KLHL26: variants seen among roughly 807,000 people sequenced by gnomAD.
KLHL26 encodes kelch like family member 26.
A neutral mutation model predicts 7.1 loss-of-function variants in KLHL26; 4 were observed. The ratio of observed to expected loss-of-function variants is 0.56; its 90% CI spans 0.28 to 1.28. KLHL26 has a LOEUF of 1.28. Among genes scored for constraint, KLHL26 ranks in the 50% most tolerant of loss-of-function variants. The probability of loss-of-function intolerance (pLI) is 0.11; values close to 1 mark genes in which losing one functional copy is unlikely to be tolerated. For synonymous variants in KLHL26, 465 were observed against 414.1 expected, an observed-to-expected ratio of 1.12 and a Z score of -1.49; for missense variants, 896 against 924.6, an observed-to-expected ratio of 0.97 and a Z score of 0.40.
intron 1 of KLHL26, among the ~76,000 whole-genome samples, chr19:18,663,397 C>T (rs902205761): frequency 6.6e-6 from 1 of 152,186 alleles, no homozygotes; most frequent in Admixed American, 6.5e-5. Context: ...ACTGTGTGCC[C>T]TGTGTTTGAC....
At chr19:18,664,567 ACGGCTGGTAC>A (rs2145407470) in intron 2 of KLHL26, 124 bp downstream of exon 2, 1 of 697,256 alleles carries the variant, frequency 1.4e-6, no homozygotes, top group Non-Finnish European at 2.2e-6. Context: ...TCGAGGGAGA[ACGGCTGGTAC>A]CGGCTGCTCT....
intron 1 of KLHL26, among the ~76,000 whole-genome samples, chr19:18,661,359 G>A (rs2052390161): frequency 6.6e-6 from 1 of 152,156 alleles, no homozygotes; most frequent in African/African-American, 2.4e-5. Flanking sequence ...AGTCATCAGA[G>A]TAGCAGGGTG....
rs1178495399 is a variant in KLHL26 at position 18,649,827 on chromosome 19, A to G, written c.83+12690A>G. Among the ~76,000 whole-genome samples the G allele has an allele frequency of 2.6e-5, 4 of 152,220 alleles. No homozygotes were observed. The East Asian group carries it at 7.7e-4, about 29-fold the overall frequency. ...ACAGAATTCACAGGACTCGTCTCCA[A>G]CGGCTGCGCCAGCAATTCCCTAGCA... On this transcript the variant is annotated intron_variant, in intron 1 of 2. Coordinates refer to ENST00000300976, the MANE Select transcript of KLHL26 (RefSeq NM_018316.3). The surrounding 1 kb of genome is among the most constrained non-coding windows in gnomAD (Gnocchi z 4.0).
chr19:18,655,227 C>T (rs1273511670), intron 1 of KLHL26, among the ~76,000 whole-genome samples: 1 of 152,216 alleles, frequency 6.6e-6, no homozygotes. Flanking sequence ...CACATTCTTG[C>T]CTGGGGCCGG....
intron 1 of KLHL26, among the ~76,000 whole-genome samples, chr19:18,647,057 C>G (rs1475453570): frequency 6.6e-6 from 1 of 152,216 alleles, no homozygotes; most frequent in Non-Finnish European, 1.5e-5. Flanking sequence ...CGAGCCACAT[C>G]CAGGCCACTC....
chr19:18,664,766 A>G (rs2052430311), intron 2 of KLHL26, among the ~76,000 whole-genome samples: 1 of 151,680 alleles, frequency 6.6e-6, no homozygotes, highest in South Asian at 2.1e-4. Flanking sequence ...TGTATTTTTT[A>G]GTAGAGACGG....
At chr19:18,655,642 C>T (rs1312641695) in intron 1 of KLHL26, among the ~76,000 whole-genome samples, 2 of 125,684 alleles carry the variant, frequency 1.6e-5, no homozygotes, top group African/African-American at 6.2e-5. Flanking sequence ...CTGATGGAGA[C>T]GCCCCAGCAT....
At position 18,668,307 on chromosome 19, in the gene KLHL26, G is replaced by A. The variant is rs559696763; in HGVS notation, c.910G>A (p.Val304Met). Residue 304 changes from valine (V) to methionine (M), a missense_variant, in exon 3 of 3, where the codon GTG becomes ATG. Transcript: ENST00000300976. ...QHEMQSPRTA[V>M]RSDVPSLVTF... Reference sequence around the variant, plus strand: ...CGAGATGCAGTCTCCGCGCACCGCCGTGCGCTCGGATGTGCCCTCGCTCGT... The same window carrying A: ...CGAGATGCAGTCTCCGCGCACCGCCATGCGCTCGGATGTGCCCTCGCTCGT... 16 of 1,611,284 alleles carry A rather than the reference G, an allele frequency of 9.9e-6. No homozygotes were observed. Among genetic ancestry groups the A allele is most frequent in the East Asian group, 4.5e-5 (2 of 44,862 alleles).
At chr19:18,664,122 T>C (rs2052419621) in intron 1 of KLHL26, 139 bp from the exon 2 acceptor site, 2 of 603,292 alleles carry the variant, frequency 3.3e-6, no homozygotes, top group Non-Finnish European at 5.0e-6. Flanking sequence ...CGGATTTGCC[T>C]GTTCTGGGCA....
chr19:18,638,429 T>A (rs904545024), intron 1 of KLHL26, among the ~76,000 whole-genome samples: 7 of 152,200 alleles, frequency 4.6e-5, no homozygotes, highest in Admixed American at 4.6e-4. Context: ...TCTGTGGGCA[T>A]TGAATCTGGT....
In KLHL26 at chr19:18,670,878, A is replaced by G. The variant is rs901957047; in HGVS notation, c.*1633A>G. The G allele has an allele frequency of 2.6e-5, 4 of 151,996 alleles. No individual in the cohort carries two copies. Among genetic ancestry groups the G allele is most frequent in the African/African-American group, 9.7e-5 (4 of 41,360 alleles). 9.4% of individuals were successfully genotyped at this position (151,996 alleles called of 1,614,324 possible). A position where few individuals can be genotyped will look rare whatever the true frequency, so the allele number is the denominator to read the frequency against. ...CAGACACACACCACCACACCCGGCT[A>G]ATTTTTGTATTTTTAGTACAGACGG... On this transcript the variant is annotated 3_prime_UTR_variant, in exon 3 of 3. Coordinates refer to ENST00000300976, the MANE Select transcript of KLHL26 (RefSeq NM_018316.3).
rs561904081 is a variant in KLHL26, at chr19:18,657,893, C to T, written c.84-6368C>T. Among the ~76,000 whole-genome samples the T allele has an allele frequency of 1.4e-4, 21 of 152,240 alleles. No individual in the cohort carries two copies. In the East Asian group the frequency reaches 2.9e-3, roughly 21 times the overall value. ...AGCTTGCTGACGTGAGCGTGGGGGC[C>T]GGAGCGTTTGAGGGCCAGCATGAGG... On this transcript the variant is annotated intron_variant, in intron 1 of 2. Coordinates refer to ENST00000300976, the MANE Select transcript of KLHL26 (RefSeq NM_018316.3).
Position 18,669,389 on chromosome 19 carries a change from C to A in KLHL26, c.*144C>A. On this transcript the variant is annotated 3_prime_UTR_variant, in exon 3 of 3. Transcript: ENST00000300976. ...CTGCTGCGTTGATAAGCCCCCCTCC[C>A]AGGGGTCCCTCCCTCCCTCCTTCCC... 1.6e-6 allele frequency: 1 copy of A among 637,994 alleles called. No individual in the cohort carries two copies. Among genetic ancestry groups the A allele is most frequent in the South Asian group, 1.9e-5 (1 of 52,568 alleles). The allele number at this position is 637,994 out of a possible 1,614,324, so 39.5% of individuals were successfully genotyped here.
chr19:18,651,676 G>A (rs1261318209), intron 1 of KLHL26, among the ~76,000 whole-genome samples: 3 of 152,256 alleles, frequency 2.0e-5, no homozygotes, highest in Non-Finnish European at 4.4e-5. Flanking sequence ...TCCCTTCTGG[G>A]GCTTCAACAC....
intron 1 of KLHL26, among the ~76,000 whole-genome samples, chr19:18,643,637 C>G (rs753311083): frequency 1.3e-5 from 2 of 151,760 alleles, no homozygotes; most frequent in African/African-American, 4.8e-5. Flanking sequence ...TGCCACCATG[C>G]CTGGCTAATT....
chr19:18,664,216 T>A, intron 1 of KLHL26, 45 bp from the exon 2 acceptor site: 1 of 1,519,778 alleles, frequency 6.6e-7, no homozygotes, highest in Non-Finnish European at 8.9e-7. Flanking sequence ...TAATAGTGTG[T>A]GTGTGAACCT....
chr19:18,662,050 G>A (rs1049643903), intron 1 of KLHL26, among the ~76,000 whole-genome samples: 1 of 152,122 alleles, frequency 6.6e-6, no homozygotes, highest in Non-Finnish European at 1.5e-5. Context: ...TGGCTAATTT[G>A]TATTGATTTC....
intron 1 of KLHL26, among the ~76,000 whole-genome samples, chr19:18,662,991 C>A (rs2052406803): frequency 6.6e-6 from 1 of 152,168 alleles, no homozygotes; most frequent in Admixed American, 6.5e-5. Context: ...GGCTGCACCC[C>A]CACCCTCCCA....
intron 1 of KLHL26, among the ~76,000 whole-genome samples, chr19:18,661,539 G>A (rs1469551167): frequency 1.2e-4 from 19 of 152,018 alleles, no homozygotes; most frequent in Admixed American, 1.2e-3. Context: ...CAGCCTTGAC[G>A]TCATCCCCTG....
Sources: allele counts gnomAD v4.1 joint callset (sites outside exome capture counted in the v4.1 genomes callset), GRCh38; gene constraint gnomAD v4.1.1; non-coding constraint Gnocchi (gnomAD v3.1); transcripts MANE v1.5; gene names NCBI Gene and HGNC (gene_info 2026-07-23, HGNC 2026-07-21).